Variants in CNTN4 observed in about 807,000 individuals in gnomAD.
The protein encoded by CNTN4 is contactin 4, also known as contactin-4.
Under a neutral mutation model 122.5 loss-of-function variants are expected in CNTN4, and 77 were observed. The ratio of observed to expected loss-of-function variants is 0.63; its 90% CI spans 0.52 to 0.76. The LOEUF is 0.76. Ranked by LOEUF, CNTN4 falls within the 30% of genes least tolerant of loss-of-function variation. CNTN4 has a pLI of 0.00. For synonymous variants in CNTN4, 512 were observed against 447.0 expected (o/e 1.15, Z -1.83); for missense variants, 1,256 against 1,259.1 (o/e 1.00, Z 0.04).
intron 7 of CNTN4, among the ~76,000 whole-genome samples, chr3:2,842,637 C>T (rs2093383445): frequency 6.6e-6 from 1 of 152,122 alleles, no homozygotes; most frequent in Admixed American, 6.5e-5. Flanking sequence ...TGGGACTTTT[C>T]CCCAGAATTG....
At chr3:2,383,361 A>T (rs1263354722) in intron 3 of CNTN4, among the ~76,000 whole-genome samples, 1 of 152,200 alleles carries the variant, frequency 6.6e-6, no homozygotes, top group East Asian at 1.9e-4. Context: ...GAAAGTGAGA[A>T]TGATAATGGC....
intron 3 of CNTN4, among the ~76,000 whole-genome samples, chr3:2,490,464 A>G (rs2076285284): frequency 6.6e-6 from 1 of 152,150 alleles, no homozygotes; most frequent in Non-Finnish European, 1.5e-5. Flanking sequence ...CCTACCAAAA[A>G]TTTGTTTTTC....
At chr3:2,705,363 G>A (rs1227928265) in intron 4 of CNTN4, among the ~76,000 whole-genome samples, 10 of 113,850 alleles carry the variant, frequency 8.8e-5, no homozygotes, top group East Asian at 2.5e-4. Flanking sequence ...GCCAGACTCC[G>A]TCTCAAAAAA....
intron 9 of CNTN4, 26 bp from the exon 10 acceptor site, chr3:2,887,014 T>A: frequency 1.9e-6 from 3 of 1,605,126 alleles, no homozygotes; most frequent in Non-Finnish European, 1.7e-6. Context: ...CTAGTTTGAT[T>A]CACTCCTTTT....
At chr3:2,114,291 A>G (rs1026979061) in intron 2 of CNTN4, among the ~76,000 whole-genome samples, 2 of 151,946 alleles carry the variant, frequency 1.3e-5, no homozygotes, top group African/African-American at 4.8e-5. Context: ...CATCTCAAAA[A>G]AAAACAAAAA....
chr3:2,379,982 A>C (rs1472551661), intron 3 of CNTN4, among the ~76,000 whole-genome samples: 1 of 150,208 alleles, frequency 6.7e-6, no homozygotes, highest in East Asian at 2.0e-4. Flanking sequence ...GCTTGAACCC[A>C]GGAGATGGAG....
intron 13 of CNTN4, among the ~76,000 whole-genome samples, chr3:2,972,941 G>T (rs761694694): frequency 6.6e-6 from 1 of 151,134 alleles, no homozygotes; most frequent in Non-Finnish European, 1.5e-5. Flanking sequence ...TCTCTTTTTC[G>T]GTCATCAACT....
rs1387092393 is a variant in CNTN4, at chr3:2,912,240, A to G, written c.1207+9235A>G. On this transcript the variant is annotated intron_variant, in intron 12 of 24. Transcript: ENST00000418658. ...TGTGCATCTGTAAGATTATCAACAG[A>G]TTTTTCAGCAGGAACTGCATGCTAG... 4.6e-5 allele frequency among the ~76,000 whole-genome samples: 7 copies of G among 152,316 alleles called. No homozygotes were observed. The East Asian group carries it at 1.4e-3, about 29-fold the overall frequency.
Position 2,253,961 on chromosome 3 carries a change from A to T in CNTN4, c.-144-85217A>T, listed in dbSNP as rs1329769548. On this transcript the variant is annotated intron_variant, in intron 2 of 24. Coordinates refer to ENST00000418658, the MANE Select transcript of CNTN4 (RefSeq NM_175607.3). ...ACATGCAGGTTTGTTACATAGGTAT[A>T]CACGTGCCATGTTGGCGTGCTGCAG... is the stretch of plus-strand genomic sequence containing the variant. Among the ~76,000 whole-genome samples the T allele has an allele frequency of 2.0e-5, 3 of 152,116 alleles. No individual in the cohort carries two copies. In the East Asian group the frequency reaches 5.8e-4, roughly 29 times the overall value.
chr3:2,851,423 C>G (rs2150661488), intron 7 of CNTN4, among the ~76,000 whole-genome samples: 1 of 152,322 alleles, frequency 6.6e-6, no homozygotes, highest in Middle Eastern at 3.4e-3. Context: ...CTGTCTTACT[C>G]TGATGGCAGT....
At chr3:2,672,298 C>T (rs1198163500) in intron 4 of CNTN4, among the ~76,000 whole-genome samples, 1 of 152,208 alleles carries the variant, frequency 6.6e-6, no homozygotes, top group African/African-American at 2.4e-5. Context: ...TTTACCTACT[C>T]AAGCCTCAGC....
At chr3:2,134,519 G>A (rs898175897) in intron 2 of CNTN4, among the ~76,000 whole-genome samples, 2 of 152,116 alleles carry the variant, frequency 1.3e-5, no homozygotes, top group South Asian at 4.1e-4. Context: ...AAAATTTCTC[G>A]GGTTTCTAAG....
At chr3:2,548,469 A>G (rs1421358177) in intron 3 of CNTN4, among the ~76,000 whole-genome samples, 1 of 152,200 alleles carries the variant, frequency 6.6e-6, no homozygotes, top group Non-Finnish European at 1.5e-5. Context: ...AGGTTCTTCA[A>G]AGATCACATG....
intron 3 of CNTN4, among the ~76,000 whole-genome samples, chr3:2,361,812 G>A (rs1382477960): frequency 1.3e-5 from 2 of 152,190 alleles, no homozygotes; most frequent in Non-Finnish European, 2.9e-5. Context: ...GATAGGCCCT[G>A]CGAATCTGTG....
chr3:2,812,567 GTTTTGTTT>G (rs987118141), intron 6 of CNTN4, among the ~76,000 whole-genome samples: 1 of 141,142 alleles, frequency 7.1e-6, no homozygotes, highest in African/African-American at 2.5e-5. Flanking sequence ...TTTTTGTTTT[GTTTTGTTT>G]TTTTGTTTTT....
chr3:2,999,449 T>C (rs1695831381), intron 14 of CNTN4, among the ~76,000 whole-genome samples: 1 of 152,136 alleles, frequency 6.6e-6, no homozygotes, highest in Non-Finnish European at 1.5e-5. Context: ...TACCATAGAC[T>C]GGGTAACTTG....
chr3:2,430,477 A>T (rs1383374538), intron 3 of CNTN4, among the ~76,000 whole-genome samples: 1 of 151,514 alleles, frequency 6.6e-6, no homozygotes, highest in Non-Finnish European at 1.5e-5. Context: ...TGCATTGCTT[A>T]CACTGGGAGC....
intron 3 of CNTN4, among the ~76,000 whole-genome samples, chr3:2,360,422 A>G (rs1231315141): frequency 1.3e-5 from 2 of 152,220 alleles, no homozygotes; most frequent in Admixed American, 6.5e-5. Flanking sequence ...CTGAAAAAAT[A>G]TAATTTTGTC....
intron 3 of CNTN4, among the ~76,000 whole-genome samples, chr3:2,472,623 A>G (rs2075720080): frequency 6.6e-6 from 1 of 152,176 alleles, no homozygotes; most frequent in Non-Finnish European, 1.5e-5. Flanking sequence ...ACCTTAGAGA[A>G]AAAGTTGAAA....
Sources: allele counts gnomAD v4.1 joint callset (sites outside exome capture counted in the v4.1 genomes callset), GRCh38; gene constraint gnomAD v4.1.1; transcripts MANE v1.5; gene names NCBI Gene and HGNC (gene_info 2026-07-23, HGNC 2026-07-21).